LMBRD1: variants seen among roughly 807,000 people sequenced by gnomAD.
LMBRD1 encodes LMBR1 domain containing 1.
Under a neutral mutation model 74.8 loss-of-function variants are expected in LMBRD1, and 64 were observed. The ratio of observed to expected loss-of-function variants is 0.86; its 90% CI spans 0.70 to 1.05. The LOEUF (loss-of-function observed/expected upper bound fraction) is 1.05, where lower values mean the gene tolerates loss of function less well. LMBRD1 is among the 50% of genes least tolerant of loss of function. LMBRD1 has a pLI of 0.00. For missense variants in LMBRD1, 652 were observed against 645.9 expected (o/e 1.01, Z -0.10); for synonymous variants, 204 against 216.3 (o/e 0.94, Z 0.50).
Position 69,790,279 on chromosome 6 carries a change from A to G in LMBRD1, c.246+17T>C. 6.4e-7 allele frequency: 1 copy of G among 1,569,210 alleles called. No homozygotes were observed. Among genetic ancestry groups the G allele is most frequent in the South Asian group, 1.1e-5 (1 of 89,606 alleles). The stretch of plus-strand genomic sequence containing the variant: ...ATTTGAAAGGAAAAAAAATCTGCAA[A>G]GTAAGATTATATTTACCTTAAATGT... On this transcript the variant is annotated intron_variant, in intron 2 of 15. Coordinates refer to ENST00000649934, the MANE Select transcript of LMBRD1 (RefSeq NM_018368.4).
chr6:69,780,468 A>G (rs1370055330), intron 3 of LMBRD1, 26 bp downstream of exon 3: 1 of 1,563,146 alleles, frequency 6.4e-7, no homozygotes, highest in Admixed American at 1.7e-5. Context: ...CAGTCCAAAT[A>G]GGGAAAGAAA....
chr6:69,691,599 G>A (rs990424729), intron 14 of LMBRD1, among the ~76,000 whole-genome samples: 2 of 151,862 alleles, frequency 1.3e-5, no homozygotes, highest in Middle Eastern at 3.2e-3. Flanking sequence ...AGCTTGGGCC[G>A]GGCACGTTGG....
At chr6:69,718,518 A>G (rs1766542344) in intron 8 of LMBRD1, among the ~76,000 whole-genome samples, 1 of 152,158 alleles carries the variant, frequency 6.6e-6, no homozygotes, top group Non-Finnish European at 1.5e-5. Context: ...GGTACTTTAT[A>G]AAGGAAAGAG....
In LMBRD1 at chr6:69,700,846, A is replaced by G; in HGVS notation, c.1107T>C (p.Leu369=). The change falls in exon 12 of 16, where the codon CTT becomes CTC. Residue 369 remains leucine (L), a synonymous_variant. Coordinates refer to ENST00000649934, the MANE Select transcript of LMBRD1 (RefSeq NM_018368.4). ...TAAAGTACATAATAATAATTGTTAT[A>G]AGAATATAATCAAGAGGGAAAACCT... The part of the protein sequence containing the change: ...LQTVFPLDYI[L]ITIIIMYFIF... 1 of 1,444,024 alleles carries G rather than the reference A, an allele frequency of 6.9e-7. No homozygotes were observed. The highest frequency in any genetic ancestry group is 9.4e-7 in the Non-Finnish European group (1 of 1,060,512). 89.5% of individuals were successfully genotyped at this position (1,444,024 alleles called of 1,614,324 possible).
intron 7 of LMBRD1, among the ~76,000 whole-genome samples, chr6:69,736,122 T>C (rs1025815743): frequency 2.6e-5 from 4 of 152,168 alleles, no homozygotes; most frequent in African/African-American, 9.7e-5. Flanking sequence ...TATCTACCAA[T>C]TGACCACTGG....
chr6:69,742,654 G>A (rs1432025015), intron 5 of LMBRD1, among the ~76,000 whole-genome samples: 3 of 152,060 alleles, frequency 2.0e-5, no homozygotes, highest in Admixed American at 1.3e-4. Flanking sequence ...CTAATACCAC[G>A]TCCTTCCCAA....
intron 5 of LMBRD1, among the ~76,000 whole-genome samples, chr6:69,745,426 T>C (rs1165456765): frequency 6.7e-6 from 1 of 149,998 alleles, no homozygotes; most frequent in African/African-American, 2.5e-5. Flanking sequence ...GCCCGGCTAA[T>C]TTTTTGTATT....
At chr6:69,732,133 A>G (rs928496902) in intron 7 of LMBRD1, among the ~76,000 whole-genome samples, 8 of 152,174 alleles carry the variant, frequency 5.3e-5, no homozygotes, top group Non-Finnish European at 1.2e-4. Flanking sequence ...CTTTCTCTAA[A>G]TATTATTGAG....
intron 14 of LMBRD1, among the ~76,000 whole-genome samples, chr6:69,686,887 G>C (rs916350224): frequency 1.3e-5 from 2 of 152,150 alleles, no homozygotes; most frequent in South Asian, 4.1e-4. Context: ...TAATGTCTAT[G>C]GCAGTTTTCA....
chr6:69,790,214 A>G, intron 2 of LMBRD1, 82 bp downstream of exon 2: 4 of 943,052 alleles, frequency 4.2e-6, no homozygotes, highest in South Asian at 1.4e-5. Context: ...AGATACAAAA[A>G]TAAAACACAA....
At chr6:69,722,270 G>T (rs551947418) in intron 7 of LMBRD1, among the ~76,000 whole-genome samples, 2 of 152,262 alleles carry the variant, frequency 1.3e-5, no homozygotes, top group East Asian at 3.9e-4. Context: ...CACCAGACCT[G>T]CCCTGCAAGA....
In LMBRD1 at chr6:69,675,987, A is replaced by G. The variant is rs569850407; in HGVS notation, c.*171T>C. ...ATGATTATGGTAATTTAAAATGTTAATCTATGATACAATGTTACTTCAGAA... is the reference window on the plus strand; with the variant it reads ...ATGATTATGGTAATTTAAAATGTTAGTCTATGATACAATGTTACTTCAGAA... On this transcript the variant is annotated 3_prime_UTR_variant, in exon 16 of 16. Transcript: ENST00000649934. 3 of 616,124 alleles carry G rather than the reference A, an allele frequency of 4.9e-6. No individual in the cohort carries two copies. The highest frequency in any genetic ancestry group is 2.9e-5 in the East Asian group (1 of 35,074). The allele number at this position is 616,124 out of a possible 1,614,324, so 38.2% of individuals were successfully genotyped here.
At chr6:69,735,705 T>C (rs2149867503) in intron 7 of LMBRD1, among the ~76,000 whole-genome samples, 1 of 152,362 alleles carries the variant, frequency 6.6e-6, no homozygotes, top group African/African-American at 2.4e-5. Flanking sequence ...TCATAGCTTA[T>C]TTAATTCGGA....
intron 3 of LMBRD1, among the ~76,000 whole-genome samples, chr6:69,774,573 A>C (rs1765647956): frequency 6.6e-6 from 1 of 152,174 alleles, no homozygotes; most frequent in South Asian, 2.1e-4. Context: ...CAGGGGTTGT[A>C]GAAATAGGGA....
At chr6:69,780,117 C>CTTTT (rs34490213) in intron 3 of LMBRD1, among the ~76,000 whole-genome samples, 1 of 115,264 alleles carries the variant, frequency 8.7e-6, no homozygotes, top group Non-Finnish European at 1.8e-5. Context: ...TGGGAGGGTC[C>CTTTT]TTTTTTTTTT....
At chr6:69,745,674 G>C (rs1165648014) in intron 5 of LMBRD1, among the ~76,000 whole-genome samples, 1 of 151,988 alleles carries the variant, frequency 6.6e-6, no homozygotes, top group Non-Finnish European at 1.5e-5. Context: ...CTTTTTTGAG[G>C]GGAGGGGAAA....
rs187157299 is a variant in LMBRD1 at position 69,790,920 on chromosome 6, T to C, written c.70-448A>G. Among the ~76,000 whole-genome samples the C allele has an allele frequency of 1.6e-3, 243 of 152,358 alleles. 1 individual carries two copies. Among genetic ancestry groups the C allele is most frequent in the Non-Finnish European group, 2.8e-3 (190 of 68,040 alleles). The stretch of plus-strand genomic sequence containing the variant: ...CTGTCCTGTTCTGACAGTTCAAGAA[T>C]AGCATTGAGCTAAAGATTAACTGCC... On this transcript the variant is annotated intron_variant, in intron 1 of 15. Coordinates refer to ENST00000649934, the MANE Select transcript of LMBRD1 (RefSeq NM_018368.4).
intron 12 of LMBRD1, among the ~76,000 whole-genome samples, chr6:69,699,496 A>G (rs894909617): frequency 5.9e-5 from 9 of 151,790 alleles, no homozygotes; most frequent in Non-Finnish European, 1.3e-4. Context: ...AAGTATCAGT[A>G]ATATACTATG....
chr6:69,745,803 C>T (rs1767213426), intron 5 of LMBRD1: 1 of 152,638 alleles, frequency 6.6e-6, no homozygotes, highest in South Asian at 2.0e-4. Flanking sequence ...ATGTTGCTGG[C>T]TCTCTGCTCC....
Sources: gnomAD v4.1 joint callset for allele counts (sites outside exome capture counted in the v4.1 genomes callset) on GRCh38, gnomAD v4.1.1 for gene constraint, MANE v1.5 for transcripts, NCBI Gene and HGNC (gene_info 2026-07-23, HGNC 2026-07-21) for gene names.